ADCY9: variants seen among roughly 807,000 people sequenced by gnomAD.
ADCY9 encodes adenylate cyclase 9.
ADCY9 carries 50 observed loss-of-function variants against 101.5 expected under a neutral mutation model. The ratio of observed to expected loss-of-function variants is 0.49; its 90% CI spans 0.39 to 0.62. The LOEUF is 0.62. Among genes scored for constraint, ADCY9 ranks in the 20% least tolerant of loss-of-function variants. The probability of loss-of-function intolerance (pLI) is 0.00; values close to 1 mark genes in which losing one functional copy is unlikely to be tolerated. For missense variants in ADCY9, 1,662 were observed against 1,800.4 expected (o/e 0.92, Z 1.39); for synonymous variants, 905 against 769.3 (o/e 1.18, Z -2.92).
At chr16:4,100,705 T>C (rs913345876) in intron 2 of ADCY9, among the ~76,000 whole-genome samples, 1 of 142,738 alleles carries the variant, frequency 7.0e-6, no homozygotes, top group African/African-American at 2.6e-5. Context: ...ATTATGCCAC[T>C]GCACTCCAAC....
intron 2 of ADCY9, among the ~76,000 whole-genome samples, chr16:4,101,185 C>T (rs951827514): frequency 6.6e-6 from 1 of 152,144 alleles, no homozygotes; most frequent in Non-Finnish European, 1.5e-5. Flanking sequence ...GTTACCTAAC[C>T]TCTCTGTGCT....
At chr16:4,018,556 C>T (rs1240828337) in intron 2 of ADCY9, among the ~76,000 whole-genome samples, 1 of 152,192 alleles carries the variant, frequency 6.6e-6, no homozygotes, top group Non-Finnish European at 1.5e-5. Flanking sequence ...AGCAGTCATG[C>T]CGCTGCCTTC....
intron 2 of ADCY9, among the ~76,000 whole-genome samples, chr16:4,018,750 A>G (rs2056455008): frequency 6.6e-6 from 1 of 152,188 alleles, no homozygotes; most frequent in Non-Finnish European, 1.5e-5. Flanking sequence ...AGAGGCTGAC[A>G]GTTTCCCAGA....
intron 2 of ADCY9, among the ~76,000 whole-genome samples, chr16:4,096,606 A>C (rs1731323684): frequency 6.6e-6 from 1 of 152,232 alleles, no homozygotes; most frequent in South Asian, 2.1e-4. Flanking sequence ...GGGAAAAAGA[A>C]CTCATTTATG....
chr16:3,956,489 T>TTTTTTTTTTTC (rs1876572412), intron 5 of ADCY9, among the ~76,000 whole-genome samples: 1 of 40,040 alleles, frequency 2.5e-5, no homozygotes, highest in Non-Finnish European at 5.9e-5. Flanking sequence ...CGCAATGAGC[T>TTTTTTTTTTTC]TTTTTTTTTT....
chr16:4,069,497 T>C (rs1476405852), intron 2 of ADCY9, among the ~76,000 whole-genome samples: 1 of 151,772 alleles, frequency 6.6e-6, no homozygotes, highest in Non-Finnish European at 1.5e-5. Flanking sequence ...TCAACAAAGG[T>C]TGGAAGAACA....
At chr16:3,969,609 T>TATATATATACAC (rs1321798408) in intron 10 of ADCY9, among the ~76,000 whole-genome samples, 13 of 94,938 alleles carry the variant, frequency 1.4e-4, no homozygotes, top group Non-Finnish European at 2.1e-4. Context: ...TATATATATA[T>TATATATATACAC]GTATTTTTTT....
chr16:4,027,139 A>C (rs1046069067), intron 2 of ADCY9, among the ~76,000 whole-genome samples: 2 of 152,214 alleles, frequency 1.3e-5, no homozygotes, highest in Non-Finnish European at 2.9e-5. Flanking sequence ...ACCAATGGTA[A>C]ACCTCTACAG....
At chr16:4,040,458 AT>A (rs35756805) in intron 2 of ADCY9, among the ~76,000 whole-genome samples, 2,964 of 144,190 alleles carry the variant, frequency 0.021, 97 homozygotes, top group African/African-American at 0.068. Context: ...CATCTTCTTA[AT>A]TTTTTTTTTT....
At chr16:4,012,761 G>C (rs1016303857) in intron 2 of ADCY9, among the ~76,000 whole-genome samples, 7 of 152,146 alleles carry the variant, frequency 4.6e-5, no homozygotes, top group Non-Finnish European at 8.8e-5. Context: ...AACTAAAACT[G>C]CACTTTGCAC....
At chr16:4,032,511 ATTT>A (rs35449509) in intron 2 of ADCY9, among the ~76,000 whole-genome samples, 3 of 140,562 alleles carry the variant, frequency 2.1e-5, no homozygotes, top group Admixed American at 1.4e-4. Context: ...ATATCACACA[ATTT>A]TTTTTTTTTT....
intron 2 of ADCY9, among the ~76,000 whole-genome samples, chr16:4,045,539 G>A (rs2056656666): frequency 7.0e-6 from 1 of 142,242 alleles, no homozygotes; most frequent in South Asian, 2.3e-4. Context: ...AGGTTGCAGT[G>A]AGCTGAGATC....
rs756684997 is a variant in ADCY9 at position 3,993,315 on chromosome 16, C to T, written c.1989+91G>A. ...GCTGTTACCCAAGAGGAGTTACTCT[C>T]AGAACTAAGAAGTCGACAAGACAGG... is the stretch of plus-strand genomic sequence containing the variant. On this transcript the variant is annotated intron_variant, in intron 4 of 10. Coordinates refer to ENST00000294016, the MANE Select transcript of ADCY9 (RefSeq NM_001116.4). 11 of 1,563,944 alleles carry T rather than the reference C, an allele frequency of 7.0e-6. No homozygotes were observed. The East Asian group carries it at 2.1e-4, about 29-fold the overall frequency.
At chr16:4,055,170 GGGAAGGGCCCCCAGGCCTCAGGA>G (rs577554220) in intron 2 of ADCY9, among the ~76,000 whole-genome samples, 411 of 152,252 alleles carry the variant, frequency 2.7e-3, no homozygotes, top group South Asian at 7.9e-3. Flanking sequence ...CTTCCACACC[GGGAAGGGCCCCCAGGCCTCAGGA>G]AGCCAGCTCT....
chr16:4,086,746 G>A (rs1460504271), intron 2 of ADCY9, among the ~76,000 whole-genome samples: 1 of 152,034 alleles, frequency 6.6e-6, no homozygotes, highest in Non-Finnish European at 1.5e-5. Flanking sequence ...TGCAACCTCT[G>A]CCTCCTGGGT....
chr16:4,027,817 T>C (rs8044973), intron 2 of ADCY9, among the ~76,000 whole-genome samples: 82,646 of 150,390 alleles, frequency 0.55, 24,634 homozygotes, highest in African/African-American at 0.79. Flanking sequence ...GCAGAGGTTG[T>C]GGTGAGCCAA....
At chr16:4,092,219 G>A (rs1208023162) in intron 2 of ADCY9, among the ~76,000 whole-genome samples, 1 of 152,202 alleles carries the variant, frequency 6.6e-6, no homozygotes, top group Non-Finnish European at 1.5e-5. Context: ...GCAGTGAGCT[G>A]AGATCGTGCC....
intron 2 of ADCY9, among the ~76,000 whole-genome samples, chr16:4,100,318 A>G (rs1567148210): frequency 6.6e-6 from 1 of 151,988 alleles, no homozygotes; most frequent in Non-Finnish European, 1.5e-5. Flanking sequence ...ACTCAGTCTC[A>G]GGTAGCATCT....
At chr16:4,078,432 G>A (rs2056881154) in intron 2 of ADCY9, among the ~76,000 whole-genome samples, 2 of 151,942 alleles carry the variant, frequency 1.3e-5, no homozygotes, top group East Asian at 1.9e-4. Flanking sequence ...GTGTGGTGGT[G>A]TACACCTGTA....
Sources: gnomAD v4.1 joint callset for allele counts (sites outside exome capture counted in the v4.1 genomes callset) on GRCh38, gnomAD v4.1.1 for gene constraint, MANE v1.5 for transcripts, NCBI Gene and HGNC (gene_info 2026-07-23, HGNC 2026-07-21) for gene names.